Variants in PLA2G4C observed in about 807,000 individuals in gnomAD.
The protein encoded by PLA2G4C is phospholipase A2 group IVC.
In PLA2G4C, 64 loss-of-function variants were observed where a neutral mutation model predicts 73.8. The ratio of observed to expected loss-of-function variants is 0.87; its 90% CI spans 0.71 to 1.07. PLA2G4C has a LOEUF of 1.07. Among genes scored for constraint, PLA2G4C ranks in the 50% least tolerant of loss-of-function variants. PLA2G4C has a pLI of 0.00. For synonymous variants in PLA2G4C, 254 were observed against 252.1 expected, an observed-to-expected ratio of 1.01 and a Z score of -0.07; for missense variants, 622 against 665.4, an observed-to-expected ratio of 0.93 and a Z score of 0.72.
At position 48,048,385 on chromosome 19, in the gene PLA2G4C, G is replaced by A; in HGVS notation, c.1584C>T (p.Leu528=). Residue 528 remains leucine, a synonymous_variant, in exon 17 of 17, where the codon CTC becomes CTT. Transcript: ENST00000599921. ...ILRELMNVAG[L]YYPKDSARSC... The stretch of plus-strand genomic sequence containing the variant: ...TTCGGGCACTATCCTTCGGGTAGTA[G>A]AGCCTGGGGAGAAAGGAAAGTTAGA... 1.3e-6 allele frequency: 2 copies of A among 1,586,740 alleles called. No individual in the cohort carries two copies. Among genetic ancestry groups the A allele is most frequent in the Non-Finnish European group, 1.7e-6 (2 of 1,170,506 alleles).
chr19:48,074,895 G>A (rs1363333842), intron 11 of PLA2G4C, 21 bp from the exon 12 acceptor site: 15 of 1,506,546 alleles, frequency 1.0e-5, no homozygotes, highest in Non-Finnish European at 1.4e-5. Context: ...AAATCCAGGT[G>A]GTCTCAGACA....
rs906521581 is a variant in PLA2G4C, at chr19:48,077,937, G to A, written c.845-113C>T. ...ATAGAAATGGCAGCCATGGGTTGGA[G>A]TCTGTTGATACGGGTTCTGGAGAGC... On this transcript the variant is annotated intron_variant, in intron 10 of 16. Transcript: ENST00000599921. 126 of 820,024 alleles carry A rather than the reference G, an allele frequency of 1.5e-4. 2 individuals carry two copies. The highest frequency in any genetic ancestry group is 6.6e-4 in the South Asian group (40 of 60,880). 50.8% of individuals were successfully genotyped at this position (820,024 alleles called of 1,614,324 possible).
rs1290404434 is a variant in PLA2G4C, at chr19:48,048,309, A to T, written c.*34T>A. ...TGGACATCAGGGCCCTAGTAGACCA[A>T]CAGGCCCACAGTGCCCTGGAAGCTG... On this transcript the variant is annotated 3_prime_UTR_variant, in exon 17 of 17. Transcript: ENST00000599921. 5.7e-6 allele frequency: 9 copies of T among 1,568,214 alleles called. No homozygotes were observed. The highest frequency in any genetic ancestry group is 1.4e-5 in the African/African-American group (1 of 73,048).
At chr19:48,083,767 A>G (rs766893712) in intron 10 of PLA2G4C, among the ~76,000 whole-genome samples, 3 of 150,996 alleles carry the variant, frequency 2.0e-5, no homozygotes, top group African/African-American at 4.9e-5. Flanking sequence ...TTATTTTTTA[A>G]TTTTTTTCAC....
chr19:48,106,467 T>C lies in PLA2G4C; in HGVS notation c.8+55A>G, dbSNP rs1400064994. On this transcript the variant is annotated intron_variant, in intron 2 of 16. Transcript: ENST00000599921. ...CTCACCTCTTGACACTCACTATGCATTCCATTACACAAATGCTCTGCTTCC... is the reference window on the plus strand; with the variant it reads ...CTCACCTCTTGACACTCACTATGCACTCCATTACACAAATGCTCTGCTTCC... 3 of 1,282,768 alleles carry C rather than the reference T, an allele frequency of 2.3e-6. No individual in the cohort carries two copies. The African/African-American group carries it at 4.4e-5, about 19-fold the overall frequency. 79.5% of individuals were successfully genotyped at this position (1,282,768 alleles called of 1,614,324 possible).
intron 12 of PLA2G4C, among the ~76,000 whole-genome samples, chr19:48,071,635 A>C (rs1044938105): frequency 1.3e-5 from 2 of 151,740 alleles, no homozygotes; most frequent in Non-Finnish European, 2.9e-5. Context: ...TTTAGAGAGG[A>C]GGTCTCACTA....
chr19:48,049,585 A>T (rs1425698316), intron 16 of PLA2G4C, among the ~76,000 whole-genome samples: 1 of 152,196 alleles, frequency 6.6e-6, no homozygotes, highest in Non-Finnish European at 1.5e-5. Context: ...GGCGGACTGG[A>T]TCTAGCAGGC....
intron 2 of PLA2G4C, among the ~76,000 whole-genome samples, chr19:48,105,936 TCCCTCCC>T (rs1568457588): frequency 2.8e-4 from 9 of 31,702 alleles, no homozygotes; most frequent in African/African-American, 1.1e-3. Context: ...CCTCCCTCCC[TCCCTCCC>T]TCCCTTCTTT....
At chr19:48,091,012 A>C (rs2031265168) in intron 7 of PLA2G4C, among the ~76,000 whole-genome samples, 1 of 148,638 alleles carries the variant, frequency 6.7e-6, no homozygotes, top group Non-Finnish European at 1.5e-5. Context: ...ACTTCAAAAA[A>C]AAAAAAAAAA....
At chr19:48,106,268 T>G (rs1216343145) in intron 2 of PLA2G4C, among the ~76,000 whole-genome samples, 1 of 151,742 alleles carries the variant, frequency 6.6e-6, no homozygotes, top group Admixed American at 6.6e-5. Context: ...AATATTTTCT[T>G]TTATTGTAGA....
At chr19:48,061,445 G>A (rs2122476423) in intron 14 of PLA2G4C, 1 of 154,902 alleles carries the variant, frequency 6.5e-6, no homozygotes, top group South Asian at 2.0e-4. Context: ...GACATGCACA[G>A]AAGTTACGCA....
chr19:48,105,395 C>A lies in PLA2G4C; in HGVS notation c.58G>T (p.Val20Leu). ...AGCACATGAAGTCTTCGTCTCTCCA[C>A]GGCCGCCTTTTCTTCTTTCTGGAGC... is the stretch of plus-strand genomic sequence containing the variant. Reference protein sequence around the residue: ...PGLQKEEKAAVERRRLHVLKA... With the variant: ...PGLQKEEKAALERRRLHVLKA... The change falls in exon 3 of 17, where the codon GTG becomes TTG. Residue 20 changes from valine (V) to leucine (L), a missense_variant. Transcript: ENST00000599921. 6.2e-7 allele frequency: 1 copy of A among 1,614,008 alleles called. No homozygotes were observed. The highest frequency in any genetic ancestry group is 8.5e-7 in the Non-Finnish European group (1 of 1,179,962).
intron 14 of PLA2G4C, chr19:48,061,525 T>C (rs935371636): frequency 6.4e-6 from 1 of 155,924 alleles, no homozygotes; most frequent in African/African-American, 2.4e-5. Flanking sequence ...CGGATCCTAG[T>C]GGCCACTGGG....
Position 48,110,532 on chromosome 19 carries a change from G to GCTCCGGAATCCGGTGCGGAGGCTTGGA in PLA2G4C, c.-79_-78insTCCAAGCCTCCGCACCGGATTCCGGAG. ...TGTGCGCATGCGCGGTGGAGCTTGT[G>GCTCCGGAATCCGGTGCGGAGGCTTGGA]CTCCGGAATCCGGTGCGGAGGCTTG... On this transcript the variant is annotated 5_prime_UTR_variant, in exon 1 of 17. Coordinates refer to ENST00000599921, the MANE Select transcript of PLA2G4C (RefSeq NM_003706.3). The GCTCCGGAATCCGGTGCGGAGGCTTGGA allele has an allele frequency of 6.8e-7, 1 of 1,480,170 alleles. No individual in the cohort carries two copies. The highest frequency in any genetic ancestry group is 1.2e-5 in the South Asian group (1 of 81,734). 91.7% of individuals were successfully genotyped at this position (1,480,170 alleles called of 1,614,324 possible).
At chr19:48,104,240 T>C (rs2032053835) in intron 4 of PLA2G4C, 1 of 197,200 alleles carries the variant, frequency 5.1e-6, no homozygotes, top group Non-Finnish European at 1.0e-5. Flanking sequence ...GTAAGTAAAG[T>C]GTGTTCCTGA....
rs1373863513 is a variant in PLA2G4C at position 48,105,982 on chromosome 19, C to CT, written c.8+539dup. 1.1e-3 allele frequency among the ~76,000 whole-genome samples: 115 copies of CT among 106,032 alleles called. 9 individuals carry two copies. Among genetic ancestry groups the CT allele is most frequent in the African/African-American group, 4.2e-3 (103 of 24,730 alleles). 69.6% of individuals were successfully genotyped at this position (106,032 alleles called of 152,430 possible). The stretch of plus-strand genomic sequence containing the variant: ...TCTTTCTTTCTTTCTTTCTTTCTTT[C>CT]TTTCTTTCTTTCTCTTTCTCTCTCT... On this transcript the variant is annotated intron_variant, in intron 2 of 16. Coordinates refer to ENST00000599921, the MANE Select transcript of PLA2G4C (RefSeq NM_003706.3).
intron 13 of PLA2G4C, among the ~76,000 whole-genome samples, chr19:48,064,354 G>C (rs920964538): frequency 3.3e-5 from 5 of 151,710 alleles, no homozygotes; most frequent in African/African-American, 1.2e-4. Flanking sequence ...GCTTGAACCC[G>C]GGAGGCGGAG....
intron 10 of PLA2G4C, among the ~76,000 whole-genome samples, chr19:48,083,451 C>CTT (rs56744614): frequency 0.3 from 17,446 of 58,086 alleles, 1,760 homozygotes; most frequent in Non-Finnish European, 0.42. Flanking sequence ...TTTCTTTTTT[C>CTT]TTTTTTTTTT....
chr19:48,068,514 C>G (rs1968534862), intron 12 of PLA2G4C, among the ~76,000 whole-genome samples: 1 of 151,730 alleles, frequency 6.6e-6, no homozygotes, highest in Non-Finnish European at 1.5e-5. Context: ...GAGACCACAT[C>G]TTTACAAAAA....
Sources: gnomAD v4.1 joint callset for allele counts (sites outside exome capture counted in the v4.1 genomes callset) on GRCh38, gnomAD v4.1.1 for gene constraint, MANE v1.5 for transcripts, NCBI Gene and HGNC (gene_info 2026-07-23, HGNC 2026-07-21) for gene names.